Variants in CIITA observed in about 807,000 individuals in gnomAD.
The protein encoded by CIITA is class II major histocompatibility complex transactivator.
A neutral mutation model predicts 115.1 loss-of-function variants in CIITA; 72 were observed. The observed-to-expected ratio is 0.63, with a 90% confidence interval of 0.52 to 0.76. The LOEUF (loss-of-function observed/expected upper bound fraction) is 0.76, where lower values mean the gene tolerates loss of function less well. Among genes scored for constraint, CIITA ranks in the 30% least tolerant of loss-of-function variants. The probability of loss-of-function intolerance (pLI) is 0.00; values close to 1 mark genes in which losing one functional copy is unlikely to be tolerated. For missense variants in CIITA, 1,617 were observed against 1,463.8 expected, an observed-to-expected ratio of 1.10 and a Z score of -1.71; for synonymous variants, 763 against 635.6, an observed-to-expected ratio of 1.20 and a Z score of -3.02.
intron 1 of CIITA, chr16:10,888,420 C>T (rs747942222): frequency 3.9e-5 from 6 of 152,226 alleles, no homozygotes; most frequent in African/African-American, 7.2e-5. Context: ...TGAGATGGAA[C>T]GTTATGCTGT....
rs182874207 is a variant in CIITA at position 10,895,177 on chromosome 16, C to T, written c.53-105C>T. On this transcript the variant is annotated intron_variant, in intron 1 of 19. Transcript: ENST00000324288. ...GGTGCTGAATGAGCGCTTTTATTCACTCCTCTCATCCCCAGCCCTCACCAG... is the reference window on the plus strand; with the variant it reads ...GGTGCTGAATGAGCGCTTTTATTCATTCCTCTCATCCCCAGCCCTCACCAG... 2.2e-3 allele frequency: 2,943 copies of T among 1,363,320 alleles called. 4 individuals carry two copies. The highest frequency in any genetic ancestry group is 0.014 in the Middle Eastern group (58 of 4,208). 84.5% of individuals were successfully genotyped at this position (1,363,320 alleles called of 1,614,324 possible).
chr16:10,900,739 CA>C (rs5815603), intron 5 of CIITA, among the ~76,000 whole-genome samples: 6,273 of 101,158 alleles, frequency 0.062, 281 homozygotes, highest in African/African-American at 0.16. Flanking sequence ...GACTCTGTTT[CA>C]AAAAAAAAAA....
intron 1 of CIITA, chr16:10,866,587 C>T (rs1260314584): frequency 3.9e-6 from 2 of 517,842 alleles, no homozygotes. Context: ...GTTGGCATCA[C>T]TTTTAATCAA....
intron 1 of CIITA, among the ~76,000 whole-genome samples, chr16:10,887,250 G>T (rs189641277): frequency 6.6e-6 from 1 of 152,086 alleles, no homozygotes; most frequent in Non-Finnish European, 1.5e-5. Context: ...TGTTGGGGGG[G>T]GCCTTGGGGG....
At chr16:10,883,434 C>A (rs904151939) in intron 1 of CIITA, among the ~76,000 whole-genome samples, 7 of 152,246 alleles carry the variant, frequency 4.6e-5, no homozygotes, top group African/African-American at 1.7e-4. Flanking sequence ...CATTCTCATC[C>A]TGGGACCACC....
intron 1 of CIITA, among the ~76,000 whole-genome samples, chr16:10,877,642 G>T (rs927612346): frequency 4.6e-5 from 7 of 152,146 alleles, no homozygotes; most frequent in African/African-American, 1.7e-4. Context: ...AGACTTTCGG[G>T]CAGTGTGTCA....
intron 1 of CIITA, among the ~76,000 whole-genome samples, chr16:10,890,246 C>T (rs576840206): frequency 9.9e-5 from 15 of 151,126 alleles, no homozygotes; most frequent in Non-Finnish European, 1.8e-4. Context: ...TGATGGGGAG[C>T]GTGGCCAGAC....
intron 1 of CIITA, among the ~76,000 whole-genome samples, chr16:10,869,538 T>C (rs1162752851): frequency 6.9e-6 from 1 of 145,176 alleles, no homozygotes; most frequent in Non-Finnish European, 1.5e-5. Context: ...TTTTTTTTGA[T>C]ACAGAGTCTT....
chr16:10,907,196 C>T lies in CIITA; in HGVS notation c.1704C>T (p.Gly568=). The T allele has an allele frequency of 6.2e-7, 1 of 1,613,444 alleles. No individual in the cohort carries two copies. Among genetic ancestry groups the T allele is most frequent in the Non-Finnish European group, 8.5e-7 (1 of 1,179,962 alleles). ...CCGACGCCCTATTTGAGCTGTCCGG[C>T]TTCTCCATGGAGCAGGCCCAGGCAT... ...SKADALFELS[G]FSMEQAQAYV... Residue 568 remains glycine, a synonymous_variant, in exon 11 of 20, where the codon GGC becomes GGT. Transcript: ENST00000324288. This position sits in a 1 kb window ranked among gnomAD's most constrained non-coding sequence, Gnocchi z 5.0.
rs1340592537 is a variant in CIITA, at chr16:10,934,045, C to G, written c.*10190C>G. On this transcript the variant is annotated 3_prime_UTR_variant, in exon 20 of 20. Transcript: ENST00000324288. The surrounding 1 kb of genome is among the most constrained non-coding windows in gnomAD (Gnocchi z 4.2). Reference sequence around the variant, plus strand: ...GTCACAGAGAAATGATGACCACTTTCTCAAACCTGGCTTCGGATTTGCACG... The same window carrying G: ...GTCACAGAGAAATGATGACCACTTTGTCAAACCTGGCTTCGGATTTGCACG... 6.6e-6 allele frequency: 1 copy of G among 152,192 alleles called. No individual in the cohort carries two copies. Among genetic ancestry groups the G allele is most frequent in the Non-Finnish European group, 1.5e-5 (1 of 68,048 alleles). 9.4% of individuals were successfully genotyped at this position (152,192 alleles called of 1,614,324 possible).
rs898135579 is a variant in CIITA, at chr16:10,898,750, G to A, written c.358+18G>A. Reference sequence around the variant, plus strand: ...CATTTTCAGTAAGTTTGTGGTGGGTGGGGAGGTCTTGGCTCAGCCTGCATT... The same window carrying A: ...CATTTTCAGTAAGTTTGTGGTGGGTAGGGAGGTCTTGGCTCAGCCTGCATT... On this transcript the variant is annotated intron_variant, in intron 4 of 19. Transcript: ENST00000324288. 6.2e-7 allele frequency: 1 copy of A among 1,611,314 alleles called. No individual in the cohort carries two copies. The highest frequency in any genetic ancestry group is 8.5e-7 in the Non-Finnish European group (1 of 1,178,754).
chr16:10,904,640 G>A, intron 9 of CIITA, 104 bp from the exon 10 acceptor site: 3 of 1,190,176 alleles, frequency 2.5e-6, no homozygotes, highest in Non-Finnish European at 3.8e-6. Flanking sequence ...TCCATCTTGG[G>A]AAACTCAGCC....
intron 1 of CIITA, 34 bp from the exon 2 acceptor site, chr16:10,895,248 C>G (rs779850158): frequency 1.2e-6 from 2 of 1,612,604 alleles, no homozygotes; most frequent in South Asian, 1.1e-5. Flanking sequence ...TTCCAACACC[C>G]TGTGAGGTGA....
chr16:10,933,994 G>A lies in CIITA; in HGVS notation c.*10139G>A, dbSNP rs2040912001. The A allele has an allele frequency of 6.6e-6, 1 of 152,218 alleles. No individual in the cohort carries two copies. Among genetic ancestry groups the A allele is most frequent in the East Asian group, 1.9e-4 (1 of 5,202 alleles). 9.4% of individuals were successfully genotyped at this position (152,218 alleles called of 1,614,324 possible). ...AGGAGAAGCTGCCTGTCTCTGCACA[G>A]GTCCATGTCCCTGAGGAAAGCCAAC... On this transcript the variant is annotated 3_prime_UTR_variant, in exon 20 of 20. Coordinates refer to ENST00000324288, the MANE Select transcript of CIITA (RefSeq NM_000246.4).
At chr16:10,908,263 G>A (rs1451203065) in intron 11 of CIITA, 114 bp downstream of exon 11, 1 of 1,265,716 alleles carries the variant, frequency 7.9e-7, no homozygotes, top group African/African-American at 1.5e-5. Context: ...AGCCGGGTGG[G>A]GCAGAATGGA....
At position 10,933,076 on chromosome 16, in the gene CIITA, C is replaced by A. The variant is rs2040867961; in HGVS notation, c.*9221C>A. On this transcript the variant is annotated 3_prime_UTR_variant, in exon 20 of 20. Transcript: ENST00000324288. ...GAGCTGGAGCTTATAGAACCCAGGG[C>A]AGCAGGTTCTCCAACCTTCTGACAT... 6.6e-6 allele frequency: 1 copy of A among 152,170 alleles called. No homozygotes were observed. The highest frequency in any genetic ancestry group is 2.4e-5 in the African/African-American group (1 of 41,440). 9.4% of individuals were successfully genotyped at this position (152,170 alleles called of 1,614,324 possible).
intron 1 of CIITA, chr16:10,888,181 C>T (rs954401264): frequency 6.6e-6 from 1 of 152,236 alleles, no homozygotes; most frequent in African/African-American, 2.4e-5. Context: ...TCATTGAGCA[C>T]TTACTGGTCG....
intron 17 of CIITA, 52 bp downstream of exon 17, chr16:10,922,302 T>C (rs1327285602): frequency 6.2e-7 from 1 of 1,604,786 alleles, no homozygotes; most frequent in Non-Finnish European, 8.5e-7. Context: ...TGGGAGACAC[T>C]GAAGTCTCTC....
chr16:10,866,674 G>A, intron 1 of CIITA: 1 of 387,382 alleles, frequency 2.6e-6, no homozygotes, highest in Non-Finnish European at 5.1e-6. Context: ...AGGCAGACTG[G>A]TGAGAAATCC....
Sources: allele counts gnomAD v4.1 joint callset (sites outside exome capture counted in the v4.1 genomes callset), GRCh38; gene constraint gnomAD v4.1.1; non-coding constraint Gnocchi (gnomAD v3.1); transcripts MANE v1.5; gene names NCBI Gene and HGNC (gene_info 2026-07-23, HGNC 2026-07-21).